The following UIMC1 variants were observed in gnomAD, a reference collection of about 807,000 sequenced individuals.
The protein encoded by UIMC1 is BRCA1-A complex subunit RAP80.
Under a neutral mutation model 84.9 loss-of-function variants are expected in UIMC1, and 42 were observed. The ratio of observed to expected loss-of-function variants is 0.49; its 90% CI spans 0.39 to 0.64. UIMC1 has a LOEUF of 0.64. Among genes scored for constraint, UIMC1 ranks in the 30% least tolerant of loss-of-function variants. UIMC1 has a pLI of 0.00. For missense variants in UIMC1, 825 were observed against 847.6 expected (o/e 0.97, Z 0.33); for synonymous variants, 281 against 293.0 (o/e 0.96, Z 0.42).
In UIMC1 at chr5:176,923,315, G is replaced by T. The variant is rs535390268; in HGVS notation, c.1598-11926C>A. Among the ~76,000 whole-genome samples the T allele has an allele frequency of 5.3e-5, 8 of 152,302 alleles. No individual in the cohort carries two copies. The South Asian group carries it at 1.7e-3, about 32-fold the overall frequency. ...ATCAGTTAAAAGAATGGAAAAAGAT[G>T]TATCAGGCAAACAGTAGGAATAAGA... On this transcript the variant is annotated intron_variant, in intron 10 of 14. Coordinates refer to ENST00000511320, the MANE Select transcript of UIMC1 (RefSeq NM_001199298.2).
At chr5:176,983,352 G>A (rs1207841706) in intron 1 of UIMC1, among the ~76,000 whole-genome samples, 2 of 150,976 alleles carry the variant, frequency 1.3e-5, no homozygotes, top group East Asian at 2.0e-4. Context: ...CTCCTGCCTC[G>A]GCCTGCCAAG....
chr5:176,905,146 G>A lies in UIMC1; in HGVS notation c.*136C>T. ...TAGATCATAAAAAACATAAAAACCA[G>A]AATGCTGGGTAGGTGCTGGTGGTGA... On this transcript the variant is annotated 3_prime_UTR_variant, in exon 15 of 15. Transcript: ENST00000511320. The A allele has an allele frequency of 1.2e-6, 1 of 803,504 alleles. No homozygotes were observed. Among genetic ancestry groups the A allele is most frequent in the Non-Finnish European group, 1.9e-6 (1 of 515,422 alleles). The allele number at this position is 803,504 out of a possible 1,614,324, so 49.8% of individuals were successfully genotyped here.
chr5:177,000,053 G>A (rs1033856453), intron 1 of UIMC1, among the ~76,000 whole-genome samples: 2 of 152,110 alleles, frequency 1.3e-5, no homozygotes, highest in African/African-American at 4.8e-5. Flanking sequence ...CCACCTCCCG[G>A]GTTCACACCA....
intron 9 of UIMC1, 42 bp downstream of exon 9, chr5:176,951,432 G>A (rs10064635): frequency 0.042 from 59,204 of 1,418,366 alleles, 3,594 homozygotes; most frequent in African/African-American, 0.26. Context: ...GACTGCCAAC[G>A]GAAAGAAACC....
intron 10 of UIMC1, among the ~76,000 whole-genome samples, chr5:176,936,313 T>C (rs1561776497): frequency 6.6e-6 from 1 of 152,248 alleles, no homozygotes; most frequent in Non-Finnish European, 1.5e-5. Context: ...AGATAACTTG[T>C]CAAATATTAG....
chr5:176,995,987 G>A (rs1027524728), intron 1 of UIMC1, among the ~76,000 whole-genome samples: 2 of 151,944 alleles, frequency 1.3e-5, no homozygotes, highest in Non-Finnish European at 2.9e-5. Flanking sequence ...AAATAAAGAC[G>A]TGAATGTTCA....
At chr5:177,013,046 A>T (rs1246072566) in intron 1 of UIMC1, among the ~76,000 whole-genome samples, 2 of 150,504 alleles carry the variant, frequency 1.3e-5, no homozygotes, top group Non-Finnish European at 2.9e-5. Flanking sequence ...TTACTATTGC[A>T]CTCTAGCCTG....
At chr5:177,008,067 T>C (rs1027460766), upstream of UIMC1, among the ~76,000 whole-genome samples, 14 of 148,434 alleles carry the variant, frequency 9.4e-5, no homozygotes, top group Middle Eastern at 3.5e-3. Flanking sequence ...ATCACACCAC[T>C]GCACTCCAGC....
chr5:177,010,305 T>C (rs996374678), upstream of UIMC1, among the ~76,000 whole-genome samples: 7 of 152,192 alleles, frequency 4.6e-5, no homozygotes, highest in African/African-American at 1.2e-4. Context: ...GGCAGGATAA[T>C]GTAAGGTCCA....
chr5:176,907,254 C>T (rs1417239614), intron 12 of UIMC1, 77 bp from the exon 13 acceptor site: 11 of 1,376,588 alleles, frequency 8.0e-6, no homozygotes, highest in South Asian at 6.1e-5. Flanking sequence ...CCAGATCACA[C>T]GTGTTCATAG....
At chr5:177,010,907 A>G (rs578215127), upstream of UIMC1, among the ~76,000 whole-genome samples, 9 of 152,172 alleles carry the variant, frequency 5.9e-5, no homozygotes, top group East Asian at 1.7e-3. Context: ...AAGAACCACT[A>G]CTGGGCCAAG....
Position 176,930,205 on chromosome 5 carries a change from AC to A in UIMC1, c.1597+13129del, listed in dbSNP as rs199790355. 9.1e-3 allele frequency among the ~76,000 whole-genome samples: 1,384 copies of A among 151,982 alleles called. 8 individuals carry two copies. Among genetic ancestry groups the A allele is most frequent in the South Asian group, 0.025 (121 of 4,818 alleles). ...TCTCTCTGCCTCCACCCCATCCCCC[AC>A]CCCAGAGGTGGCCTTTATTCTCAAA... On this transcript the variant is annotated intron_variant, in intron 10 of 14. Transcript: ENST00000511320.
chr5:176,920,231 T>C (rs1048792338), intron 10 of UIMC1, among the ~76,000 whole-genome samples: 1 of 152,098 alleles, frequency 6.6e-6, no homozygotes, highest in Admixed American at 6.6e-5. Flanking sequence ...TTTCTCCACA[T>C]TGGTAAGGCT....
intron 10 of UIMC1, among the ~76,000 whole-genome samples, chr5:176,939,242 G>A (rs1407500432): frequency 2.1e-5 from 3 of 141,728 alleles, no homozygotes; most frequent in African/African-American, 5.3e-5. Context: ...GGGTGACAGA[G>A]TGAGATCCTG....
At chr5:176,916,857 T>C (rs140785207) in intron 10 of UIMC1, among the ~76,000 whole-genome samples, 74 of 152,290 alleles carry the variant, frequency 4.9e-4, no homozygotes, top group African/African-American at 1.5e-3. Flanking sequence ...CTAGGCATTA[T>C]AGAACAATTA....
intron 10 of UIMC1, among the ~76,000 whole-genome samples, chr5:176,920,807 T>C (rs1761611589): frequency 6.6e-6 from 1 of 152,156 alleles, no homozygotes; most frequent in African/African-American, 2.4e-5. Flanking sequence ...TAGAACCTCC[T>C]TTACCACGTT....
intron 1 of UIMC1, among the ~76,000 whole-genome samples, chr5:177,012,079 C>A (rs979701179): frequency 6.6e-6 from 1 of 152,136 alleles, no homozygotes; most frequent in Non-Finnish European, 1.5e-5. Context: ...GGATTACTGG[C>A]GTGAGCCACC....
chr5:176,905,344 T>G lies in UIMC1; in HGVS notation c.2098A>C (p.Thr700Pro). 6.2e-7 allele frequency: 1 copy of G among 1,614,114 alleles called. No individual in the cohort carries two copies. Among genetic ancestry groups the G allele is most frequent in the Non-Finnish European group, 8.5e-7 (1 of 1,179,990 alleles). ...DCLVDFKKQV[T>P]VQPGSRTRTK... ...CGTGTCCGACTACCTGGCTGGACAG[T>G]AACTTGCTTTTTAAAGTCCACTAAG... The change falls in exon 15 of 15, where the codon ACT (threonine) becomes CCT (proline). Residue 700 changes from threonine to proline, a missense_variant. Coordinates refer to ENST00000511320, the MANE Select transcript of UIMC1 (RefSeq NM_001199298.2).
Position 176,951,545 on chromosome 5 carries a change from G to A in UIMC1, c.1372C>T (p.Leu458Phe). ...CTACCTGGAGAGACTTCTCTTTCAA[G>A]GTCAAAAGTTTCAGAGGAACTTAGC... ...TQLSSSETFD[L>F]EREVSPGSRD... Residue 458 changes from leucine (L) to phenylalanine (F), a missense_variant, in exon 9 of 15, where the codon CTT (leucine) becomes TTT (phenylalanine). Physicochemically the swap from Leu to Phe is conservative, Grantham distance 22. Transcript: ENST00000511320. 1.3e-6 allele frequency: 2 copies of A among 1,589,778 alleles called. No individual in the cohort carries two copies. The highest frequency in any genetic ancestry group is 1.2e-5 in the South Asian group (1 of 85,214).
Sources: gnomAD v4.1 joint callset for allele counts (sites outside exome capture counted in the v4.1 genomes callset) on GRCh38, gnomAD v4.1.1 for gene constraint, MANE v1.5 for transcripts, NCBI Gene and HGNC (gene_info 2026-07-23, HGNC 2026-07-21) for gene names.